Variants in NEBL observed in about 807,000 individuals in gnomAD.
The protein encoded by NEBL is nebulette.
In NEBL, 122 loss-of-function variants were observed where a neutral mutation model predicts 140.2. The observed-to-expected ratio is 0.87, with a 90% CI of 0.75 to 1.01. The LOEUF is 1.01. Among genes scored for constraint, NEBL ranks in the 50% least tolerant of loss-of-function variants. The pLI is 0.00. For missense variants in NEBL, 1,365 were observed against 1,231.3 expected, an observed-to-expected ratio of 1.11 and a Z score of -1.62; for synonymous variants, 436 against 398.9, an observed-to-expected ratio of 1.09 and a Z score of -1.11.
chr10:20,869,720 G>T lies in NEBL; in HGVS notation c.582+20C>A. On this transcript the variant is annotated intron_variant, in intron 6 of 27. Coordinates refer to ENST00000377122, the MANE Select transcript of NEBL (RefSeq NM_006393.3). Reference sequence around the variant, plus strand: ...AAAGTAAGAAATCATTTCCGTTCAAGGTTTAGAAAGAGAAGTTACATTGCT... The same window carrying T: ...AAAGTAAGAAATCATTTCCGTTCAATGTTTAGAAAGAGAAGTTACATTGCT... 1 of 1,528,034 alleles carries T rather than the reference G, an allele frequency of 6.5e-7. No homozygotes were observed. Among genetic ancestry groups the T allele is most frequent in the Non-Finnish European group, 9.1e-7 (1 of 1,101,588 alleles). The allele number at this position is 1,528,034 out of a possible 1,614,324, so 94.7% of individuals were successfully genotyped here. A position where few individuals can be genotyped will look rare whatever the true frequency, so the allele number is the denominator to read the frequency against.
Position 20,973,247 on chromosome 10 carries a change from CTT to C in NEBL, c.250-11470_250-11469del, listed in dbSNP as rs201974015. 6.0e-4 allele frequency among the ~76,000 whole-genome samples: 84 copies of C among 139,252 alleles called. 1 individual carries two copies. The highest frequency in any genetic ancestry group is 4.2e-3 in the South Asian group (18 of 4,266). 91.4% of individuals were successfully genotyped at this position (139,252 alleles called of 152,430 possible). ...TGTAAAAAAGATATTTTACCTTTTT[CTT>C]TTTTTTTTTTTTTAAGAGACAGAGT... On this transcript the variant is annotated intron_variant, in intron 3 of 6. Transcript: ENST00000417816.
chr10:20,906,137 T>C (rs1412030597), intron 4 of NEBL, among the ~76,000 whole-genome samples: 2 of 152,218 alleles, frequency 1.3e-5, no homozygotes, highest in Non-Finnish European at 1.5e-5. Flanking sequence ...ATTCGTATTA[T>C]GTAGACCCTG....
At chr10:21,076,444 CAAAAAAAA>C (rs56013237) in intron 2 of NEBL, among the ~76,000 whole-genome samples, 12 of 50,068 alleles carry the variant, frequency 2.4e-4, no homozygotes, top group Admixed American at 8.5e-4. Context: ...GACTCAGTTT[CAAAAAAAA>C]AAAAAAAAAA....
intron 2 of NEBL, among the ~76,000 whole-genome samples, chr10:21,022,142 C>T (rs919423284): frequency 6.6e-6 from 1 of 152,256 alleles, no homozygotes; most frequent in Non-Finnish European, 1.5e-5. Context: ...TGAGGAGACA[C>T]CTTTAGCTGC....
At chr10:21,241,970 G>A (rs1287995026) in intron 3 of NEBL, among the ~76,000 whole-genome samples, 2 of 152,168 alleles carry the variant, frequency 1.3e-5, no homozygotes, top group Non-Finnish European at 2.9e-5. Context: ...GGGAGGCTGA[G>A]GTGTGTGGAT....
chr10:21,183,669 T>C (rs1325931074), intron 3 of NEBL, among the ~76,000 whole-genome samples: 2 of 152,208 alleles, frequency 1.3e-5, no homozygotes, highest in Non-Finnish European at 2.9e-5. Flanking sequence ...GCATTTAAGC[T>C]CAGTGCAAAT....
intron 3 of NEBL, among the ~76,000 whole-genome samples, chr10:21,210,159 A>T (rs2132234735): frequency 6.6e-6 from 1 of 152,300 alleles, no homozygotes; most frequent in East Asian, 1.9e-4. Flanking sequence ...TGGGAGGCCA[A>T]GACAGGCAGA....
intron 2 of NEBL, among the ~76,000 whole-genome samples, chr10:21,094,084 T>C (rs1837047545): frequency 6.6e-6 from 1 of 152,172 alleles, no homozygotes; most frequent in Non-Finnish European, 1.5e-5. Flanking sequence ...GGGCTGGGTG[T>C]GGTAGCTCAC....
intron 26 of NEBL, chr10:20,793,462 C>A: frequency 2.3e-6 from 1 of 430,550 alleles, no homozygotes; most frequent in Non-Finnish European, 3.1e-6. Context: ...CTGCATATGA[C>A]GTTCAGGTCC....
intron 2 of NEBL, among the ~76,000 whole-genome samples, chr10:21,045,125 T>C (rs2131839855): frequency 6.6e-6 from 1 of 152,324 alleles, no homozygotes; most frequent in South Asian, 2.1e-4. Context: ...ATTAAAACTG[T>C]ATCTTTAAAA....
intron 9 of NEBL, among the ~76,000 whole-genome samples, chr10:20,854,660 G>A (rs1287783846): frequency 2.0e-5 from 3 of 150,938 alleles, no homozygotes; most frequent in Non-Finnish European, 4.4e-5. Context: ...GACCTCCTGG[G>A]CTCAAGCAAT....
At chr10:21,227,687 TTCTTCTTCTTCTTCTTCTTCTTCTTTC>T (rs1564545947) in intron 3 of NEBL, among the ~76,000 whole-genome samples, 35 of 90,752 alleles carry the variant, frequency 3.9e-4, no homozygotes, top group African/African-American at 1.8e-3. Flanking sequence ...CTTCTTCTTC[TTCTTCTTCTTCTTCTTCTTCTTCTTTC>T]TTCTTCTTCT....
At chr10:21,243,573 A>G (rs1842472062) in intron 3 of NEBL, among the ~76,000 whole-genome samples, 1 of 152,042 alleles carries the variant, frequency 6.6e-6, no homozygotes, top group South Asian at 2.1e-4. Flanking sequence ...TGCCTGGCCC[A>G]TATTATCATT....
chr10:20,988,289 A>T lies in NEBL; in HGVS notation c.250-26510T>A, dbSNP rs370709241. On this transcript the variant is annotated intron_variant, in intron 3 of 6. Transcript: ENST00000417816. ...CTTGTCCTGAGTCCATGACTTTCCC[A>T]TTCCTCAGAAAAACCCTTTCCACAT... Among the ~76,000 whole-genome samples the T allele has an allele frequency of 1.2e-4, 19 of 152,220 alleles. No individual in the cohort carries two copies. The East Asian group carries it at 3.5e-3, about 28-fold the overall frequency.
chr10:20,847,142 TTA>T (rs1291523784), intron 11 of NEBL, among the ~76,000 whole-genome samples: 5 of 152,172 alleles, frequency 3.3e-5, no homozygotes, highest in African/African-American at 1.2e-4. Flanking sequence ...ATGATTCTCT[TTA>T]TACCTACTTC....
intron 2 of NEBL, among the ~76,000 whole-genome samples, chr10:21,115,433 G>C (rs1838236542): frequency 6.6e-6 from 1 of 151,826 alleles, no homozygotes; most frequent in Non-Finnish European, 1.5e-5. Flanking sequence ...TGTACTGATG[G>C]TCAGCTGGTG....
Position 21,192,659 on chromosome 10 carries a change from A to G in NEBL, n.349-20182T>C, listed in dbSNP as rs1249425135. 3.3e-5 allele frequency among the ~76,000 whole-genome samples: 5 copies of G among 151,446 alleles called. No homozygotes were observed. The South Asian group carries it at 1.0e-3, about 32-fold the overall frequency. On this transcript the variant is annotated intron_variant and non_coding_transcript_variant, in intron 3 of 8. Coordinates refer to the NEBL transcript ENST00000675702. ...CAGGAGTTCGAGACCAGCCTGGCCA[A>G]TATGGTGAAACCCCATCTCTACTAA... is the stretch of plus-strand genomic sequence containing the variant.
chr10:21,110,679 C>T, intron 2 of NEBL: 1 of 468,070 alleles, frequency 2.1e-6, no homozygotes, highest in Non-Finnish European at 4.2e-6. Context: ...ATGCCACCAC[C>T]CCATGGAAGG....
At chr10:21,133,873 GTGTA>G (rs1387828276) in intron 2 of NEBL, among the ~76,000 whole-genome samples, 1 of 152,130 alleles carries the variant, frequency 6.6e-6, no homozygotes, top group African/African-American at 2.4e-5. Context: ...TCTTTGTCCT[GTGTA>G]TAAGTCAATC....
Sources: allele counts gnomAD v4.1 joint callset (sites outside exome capture counted in the v4.1 genomes callset), GRCh38; gene constraint gnomAD v4.1.1; transcripts MANE v1.5; gene names NCBI Gene and HGNC (gene_info 2026-07-23, HGNC 2026-07-21).